The following FTO variants were observed in gnomAD, a reference collection of about 807,000 sequenced individuals.
FTO encodes FTO alpha-ketoglutarate dependent dioxygenase, also known as alpha-ketoglutarate-dependent dioxygenase FTO.
FTO carries 47 observed loss-of-function variants against 63.9 expected under a neutral mutation model. The ratio of observed to expected loss-of-function variants is 0.74; its 90% confidence interval spans 0.58 to 0.94. The LOEUF is 0.94. FTO is among the 40% of genes least tolerant of loss of function. FTO has a pLI of 0.00. For missense variants in FTO, 562 were observed against 618.1 expected (o/e 0.91, Z 0.96); for synonymous variants, 207 against 224.4 (o/e 0.92, Z 0.69).
At chr16:54,005,936 C>G (rs527815681) in intron 8 of FTO, among the ~76,000 whole-genome samples, 12 of 152,198 alleles carry the variant, frequency 7.9e-5, no homozygotes, top group Non-Finnish European at 7.4e-5. Flanking sequence ...TTGTTTTTTA[C>G]TGTATCTAGG....
chr16:54,035,324 A>G (rs537344990), intron 8 of FTO, among the ~76,000 whole-genome samples: 1 of 152,194 alleles, frequency 6.6e-6, no homozygotes, highest in Non-Finnish European at 1.5e-5. Flanking sequence ...TGATGGGGCC[A>G]TTGTGGTTCT....
chr16:53,865,652 G>T (rs907718036), intron 4 of FTO, among the ~76,000 whole-genome samples: 1 of 151,908 alleles, frequency 6.6e-6, no homozygotes, highest in African/African-American at 2.4e-5. Flanking sequence ...TCTGCTTATC[G>T]TCTCCTCCCC....
intron 1 of FTO, among the ~76,000 whole-genome samples, chr16:53,783,394 C>T (rs1278335352): frequency 6.6e-6 from 1 of 151,840 alleles, no homozygotes; most frequent in Admixed American, 6.6e-5. Flanking sequence ...GGGCGGGTCA[C>T]GAGGAGATCG....
chr16:54,017,973 C>A (rs1485117107), intron 8 of FTO, among the ~76,000 whole-genome samples: 4 of 151,986 alleles, frequency 2.6e-5, no homozygotes, highest in African/African-American at 9.7e-5. Context: ...CCTGGTCCCC[C>A]ACCATGACAC....
intron 1 of FTO, among the ~76,000 whole-genome samples, chr16:53,800,610 A>C (rs1038738487): frequency 6.6e-6 from 1 of 151,934 alleles, no homozygotes. Context: ...GGAATTACCT[A>C]TTTCTTTTTG....
intron 1 of FTO, among the ~76,000 whole-genome samples, chr16:53,732,041 ATTTTTTTTTTTTTTT>A: frequency 1.0e-5 from 1 of 98,608 alleles, no homozygotes; most frequent in Non-Finnish European, 1.9e-5. Flanking sequence ...TTGTGGCCTT[ATTTTTTTTTTTTTTT>A]TTTTTTTTTT....
chr16:53,948,618 G>T (rs1433350354), intron 8 of FTO, among the ~76,000 whole-genome samples: 1 of 152,236 alleles, frequency 6.6e-6, no homozygotes, highest in Non-Finnish European at 1.5e-5. Flanking sequence ...CAGGATCTAT[G>T]TTAGTAGGTC....
At chr16:54,031,835 C>T (rs139130316) in intron 8 of FTO, among the ~76,000 whole-genome samples, 21 of 152,252 alleles carry the variant, frequency 1.4e-4, no homozygotes, top group African/African-American at 4.3e-4. Context: ...CAATTCTAAC[C>T]TTGTGGGCTT....
intron 1 of FTO, among the ~76,000 whole-genome samples, chr16:53,707,312 C>G (rs2075649281): frequency 6.6e-6 from 1 of 152,176 alleles, no homozygotes; most frequent in Non-Finnish European, 1.5e-5. Flanking sequence ...ATGGCCTTCT[C>G]TCTGTTTCTG....
At chr16:54,030,495 A>G (rs1268431543) in intron 8 of FTO, among the ~76,000 whole-genome samples, 6 of 152,220 alleles carry the variant, frequency 3.9e-5, no homozygotes, top group African/African-American at 1.4e-4. Context: ...ACATTTGGAC[A>G]ATTTGAGTGT....
intron 1 of FTO, among the ~76,000 whole-genome samples, chr16:53,718,550 A>G (rs371592706): frequency 6.6e-6 from 1 of 151,608 alleles, no homozygotes; most frequent in South Asian, 2.1e-4. Flanking sequence ...TAGAACCTCC[A>G]GTTGGTAGTG....
At chr16:53,801,309 A>G (rs557559290) in intron 1 of FTO, among the ~76,000 whole-genome samples, 1 of 151,746 alleles carries the variant, frequency 6.6e-6, no homozygotes, top group East Asian at 1.9e-4. Flanking sequence ...TTCTTGAAGT[A>G]TTACTGTGCT....
intron 8 of FTO, among the ~76,000 whole-genome samples, chr16:53,961,284 C>T (rs1168193081): frequency 6.6e-6 from 1 of 152,146 alleles, no homozygotes; most frequent in Non-Finnish European, 1.5e-5. Context: ...GCTGCCCTCA[C>T]TTGACTAGCT....
At chr16:53,895,054 T>G (rs2081243299) in intron 7 of FTO, among the ~76,000 whole-genome samples, 1 of 152,126 alleles carries the variant, frequency 6.6e-6, no homozygotes, top group Admixed American at 6.6e-5. Flanking sequence ...CTTAAAGGTG[T>G]TCAGGGAAGC....
At chr16:53,887,991 G>GT (rs2081045635) in intron 6 of FTO, 1 of 151,948 alleles carries the variant, frequency 6.6e-6, no homozygotes, top group African/African-American at 2.4e-5. Flanking sequence ...TGTTTTGCTT[G>GT]TAATACCAGC....
chr16:54,012,586 C>T (rs2084355334), intron 8 of FTO, among the ~76,000 whole-genome samples: 1 of 152,174 alleles, frequency 6.6e-6, no homozygotes, highest in African/African-American at 2.4e-5. Context: ...GAGGAGAAGT[C>T]AATGCCTGAC....
intron 1 of FTO, among the ~76,000 whole-genome samples, chr16:53,774,162 T>C (rs985419713): frequency 6.6e-6 from 1 of 152,128 alleles, no homozygotes; most frequent in Non-Finnish European, 1.5e-5. Context: ...GGAAATACTT[T>C]AGCTGGACCA....
rs2086980118 is a variant in FTO at position 54,117,245 on chromosome 16, A to G, written c.*5330A>G. 1 of 152,182 alleles carries G rather than the reference A, an allele frequency of 6.6e-6. No individual in the cohort carries two copies. Among genetic ancestry groups the G allele is most frequent in the Admixed American group, 6.5e-5 (1 of 15,280 alleles). The allele number at this position is 152,182 out of a possible 1,614,324, so 9.4% of individuals were successfully genotyped here. A position where few individuals can be genotyped will look rare whatever the true frequency, so the allele number is the denominator to read the frequency against. On this transcript the variant is annotated 3_prime_UTR_variant, in exon 9 of 9. Transcript: ENST00000471389. ...GTTGTTGTGAAGGTTCAATAAGTTAATGCGTATTTAAAATGCCTCCCACAG... is the reference window on the plus strand; with the variant it reads ...GTTGTTGTGAAGGTTCAATAAGTTAGTGCGTATTTAAAATGCCTCCCACAG...
intron 1 of FTO, among the ~76,000 whole-genome samples, chr16:53,785,217 G>A (rs2077703512): frequency 6.6e-6 from 1 of 152,122 alleles, no homozygotes; most frequent in African/African-American, 2.4e-5. Flanking sequence ...TGAGGAACAG[G>A]GCAGAGTGCC....
Sources: gnomAD v4.1 joint callset for allele counts (sites outside exome capture counted in the v4.1 genomes callset) on GRCh38, gnomAD v4.1.1 for gene constraint, MANE v1.5 for transcripts, NCBI Gene and HGNC (gene_info 2026-07-23, HGNC 2026-07-21) for gene names.